The following BMP7 variants were observed in gnomAD, a reference collection of about 807,000 sequenced individuals.
The protein encoded by BMP7 is bone morphogenetic protein 7.
Under a neutral mutation model 41.2 loss-of-function variants are expected in BMP7, and 12 were observed. That is an observed-to-expected ratio of 0.29 (90% CI 0.19 to 0.47). The LOEUF (loss-of-function observed/expected upper bound fraction) is 0.47, where lower values mean the gene tolerates loss of function less well. Ranked by LOEUF, BMP7 falls within the 20% of genes least tolerant of loss-of-function variation. The probability of loss-of-function intolerance (pLI) is 0.99; values close to 1 mark genes in which losing one functional copy is unlikely to be tolerated. For missense variants in BMP7, 467 were observed against 606.0 expected (o/e 0.77, Z 2.41); for synonymous variants, 248 against 250.0 (o/e 0.99, Z 0.07).
chr20:57,175,081 A>T, intron 4 of BMP7, 74 bp from the exon 5 acceptor site: 1 of 1,448,556 alleles, frequency 6.9e-7, no homozygotes, highest in South Asian at 1.2e-5. Flanking sequence ...AGTTCCCTCC[A>T]TCTTAGGCAG....
intron 1 of BMP7, among the ~76,000 whole-genome samples, chr20:57,262,500 C>T (rs982166844): frequency 1.6e-4 from 25 of 152,214 alleles, no homozygotes; most frequent in African/African-American, 5.5e-4. Context: ...AGTTTAGATC[C>T]CGCTCAGCCT....
chr20:57,232,091 T>G (rs1464205003), intron 1 of BMP7, among the ~76,000 whole-genome samples: 1 of 152,178 alleles, frequency 6.6e-6, no homozygotes, highest in African/African-American at 2.4e-5. Context: ...ACTCCAAAGC[T>G]CACCCTCTTG....
intron 3 of BMP7, among the ~76,000 whole-genome samples, chr20:57,202,189 G>A (rs2123089428): frequency 6.6e-6 from 1 of 152,288 alleles, no homozygotes; most frequent in African/African-American, 2.4e-5. Flanking sequence ...GGTGGGCCCA[G>A]GATTCTGCAT....
rs1983871693 is a variant in BMP7, at chr20:57,174,189, T to G, written c.1035+742A>C. On this transcript the variant is annotated intron_variant, in intron 5 of 6. Transcript: ENST00000395863. The surrounding 1 kb of genome is among the most constrained non-coding windows in gnomAD (Gnocchi z 4.3). ...CACTGAACTACAAGCTCCCTGAGGGTAGAATACCACCAGTTGCCCTGATGA... is the reference window on the plus strand; with the variant it reads ...CACTGAACTACAAGCTCCCTGAGGGGAGAATACCACCAGTTGCCCTGATGA... 6.6e-6 allele frequency among the ~76,000 whole-genome samples: 1 copy of G among 151,942 alleles called. No individual in the cohort carries two copies. Among genetic ancestry groups the G allele is most frequent in the Non-Finnish European group, 1.5e-5 (1 of 67,986 alleles).
intron 1 of BMP7, among the ~76,000 whole-genome samples, chr20:57,245,316 A>C (rs2066085601): frequency 6.6e-6 from 1 of 152,172 alleles, no homozygotes; most frequent in Non-Finnish European, 1.5e-5. Flanking sequence ...GGAGAATATG[A>C]GATCAAAACA....
intron 2 of BMP7, among the ~76,000 whole-genome samples, chr20:57,219,829 C>T (rs564165274): frequency 3.9e-5 from 6 of 152,296 alleles, no homozygotes; most frequent in African/African-American, 1.4e-4. Flanking sequence ...AAAGGCCTTT[C>T]CTGGAAACAC....
chr20:57,206,526 T>C (rs1372956433), intron 2 of BMP7, among the ~76,000 whole-genome samples: 2 of 152,126 alleles, frequency 1.3e-5, no homozygotes, highest in Non-Finnish European at 2.9e-5. Flanking sequence ...AAGAGACACA[T>C]AGGAAGATGT....
intron 3 of BMP7, among the ~76,000 whole-genome samples, chr20:57,198,271 C>T (rs1201195136): frequency 2.0e-5 from 3 of 152,082 alleles, no homozygotes; most frequent in African/African-American, 7.2e-5. Context: ...TCTCACAGGG[C>T]TCTGGGCAGT....
chr20:57,210,667 GT>G (rs1274989253), intron 2 of BMP7, among the ~76,000 whole-genome samples: 4 of 152,216 alleles, frequency 2.6e-5, no homozygotes, highest in Non-Finnish European at 5.9e-5. Flanking sequence ...CCAGGCACGC[GT>G]TGGAGCCACA....
chr20:57,201,009 G>A (rs964717001), intron 3 of BMP7, among the ~76,000 whole-genome samples: 2 of 152,176 alleles, frequency 1.3e-5, no homozygotes, highest in African/African-American at 4.8e-5. Flanking sequence ...CTTTACATGT[G>A]TATTACAGTT....
At chr20:57,237,806 G>A (rs2066053396) in intron 1 of BMP7, among the ~76,000 whole-genome samples, 1 of 152,134 alleles carries the variant, frequency 6.6e-6, no homozygotes, top group African/African-American at 2.4e-5. Context: ...GGACTTTCTG[G>A]CTGCCCCAGC....
chr20:57,239,010 C>A (rs2066058937), intron 1 of BMP7, among the ~76,000 whole-genome samples: 1 of 152,090 alleles, frequency 6.6e-6, no homozygotes, highest in Non-Finnish European at 1.5e-5. Context: ...TCACCCCTGG[C>A]CCCTCCAAAT....
intron 2 of BMP7, among the ~76,000 whole-genome samples, chr20:57,212,120 G>A (rs1352533799): frequency 6.6e-6 from 1 of 152,202 alleles, no homozygotes; most frequent in African/African-American, 2.4e-5. Flanking sequence ...CTAATTAAGT[G>A]GCGTGAAGGA....
chr20:57,221,143 T>C (rs947085173), intron 2 of BMP7, among the ~76,000 whole-genome samples: 5 of 152,152 alleles, frequency 3.3e-5, no homozygotes, highest in African/African-American at 1.2e-4. Context: ...GTGGACCCCC[T>C]GTCACTGTCT....
intron 1 of BMP7, among the ~76,000 whole-genome samples, chr20:57,238,671 G>A (rs1273100944): frequency 6.6e-6 from 1 of 151,834 alleles, no homozygotes; most frequent in Non-Finnish European, 1.5e-5. Flanking sequence ...CTGTTTTCAT[G>A]CTGCTGACAA....
chr20:57,206,972 G>A (rs1984746826), intron 2 of BMP7, among the ~76,000 whole-genome samples: 2 of 152,332 alleles, frequency 1.3e-5, no homozygotes, highest in East Asian at 3.9e-4. Flanking sequence ...TATGTTCACA[G>A]TAGTGTTAGA....
intron 2 of BMP7, among the ~76,000 whole-genome samples, chr20:57,219,640 C>T (rs1985141405): frequency 6.6e-6 from 1 of 152,146 alleles, no homozygotes; most frequent in African/African-American, 2.4e-5. Flanking sequence ...GAAACCGAAA[C>T]CCTGCCTCAA....
chr20:57,172,335 A>G (rs780159079), intron 6 of BMP7, among the ~76,000 whole-genome samples: 6 of 152,258 alleles, frequency 3.9e-5, no homozygotes, highest in Non-Finnish European at 7.3e-5. Context: ...AACACTTAAA[A>G]AAACAAACAA....
At chr20:57,234,789 C>T (rs959531455) in intron 1 of BMP7, among the ~76,000 whole-genome samples, 1 of 152,228 alleles carries the variant, frequency 6.6e-6, no homozygotes, top group Admixed American at 6.5e-5. Flanking sequence ...AGCTCTGGAT[C>T]GCATGCCCTC....
Sources: allele counts gnomAD v4.1 joint callset (sites outside exome capture counted in the v4.1 genomes callset), GRCh38; gene constraint gnomAD v4.1.1; non-coding constraint Gnocchi (gnomAD v3.1); transcripts MANE v1.5; gene names NCBI Gene and HGNC (gene_info 2026-07-23, HGNC 2026-07-21).